Variants in PRICKLE2 observed in about 807,000 individuals in gnomAD.
PRICKLE2 encodes prickle-like protein 2.
Under a neutral mutation model 81.4 loss-of-function variants are expected in PRICKLE2, and 21 were observed. The observed-to-expected ratio is 0.26, with a 90% CI of 0.18 to 0.37. The LOEUF (loss-of-function observed/expected upper bound fraction) is 0.37, where lower values mean the gene tolerates loss of function less well. Among genes scored for constraint, PRICKLE2 ranks in the 10% least tolerant of loss-of-function variants. The pLI is 1.00. For missense variants in PRICKLE2, 940 were observed against 1,109.0 expected (o/e 0.85, Z 2.16); for synonymous variants, 456 against 421.5 (o/e 1.08, Z -1.00).
At chr3:64,230,840 A>G (rs144465230) in intron 2 of PRICKLE2, among the ~76,000 whole-genome samples, 2 of 152,210 alleles carry the variant, frequency 1.3e-5, no homozygotes, top group Non-Finnish European at 2.9e-5. Flanking sequence ...TACCTAGCAT[A>G]TAGTAGGTGT....
intron 2 of PRICKLE2, chr3:64,198,575 C>T (rs2078506976): frequency 1.6e-6 from 1 of 638,268 alleles, no homozygotes; most frequent in Non-Finnish European, 2.8e-6. Context: ...AATGACAATA[C>T]AGAATGAATT....
intron 7 of PRICKLE2, among the ~76,000 whole-genome samples, chr3:64,139,605 A>G (rs184245188): frequency 6.6e-6 from 1 of 152,194 alleles, no homozygotes; most frequent in Non-Finnish European, 1.5e-5. Flanking sequence ...TCAAAATGCA[A>G]ATTGGATCAT....
chr3:64,170,957 T>C (rs998620317), intron 2 of PRICKLE2, among the ~76,000 whole-genome samples: 5 of 152,182 alleles, frequency 3.3e-5, no homozygotes, highest in South Asian at 4.1e-4. Context: ...CATGCCTCTA[T>C]AATGCAAAGC....
At chr3:64,181,066 G>A (rs1423816432) in intron 2 of PRICKLE2, among the ~76,000 whole-genome samples, 7 of 152,274 alleles carry the variant, frequency 4.6e-5, no homozygotes, top group African/African-American at 1.7e-4. Context: ...CAACTCATTC[G>A]TGTGTAGCAT....
At chr3:64,213,029 G>C (rs774021503) in intron 1 of PRICKLE2, among the ~76,000 whole-genome samples, 1 of 150,530 alleles carries the variant, frequency 6.6e-6, no homozygotes, top group Non-Finnish European at 1.5e-5. Context: ...ATGTATCCTT[G>C]ACCAAGTTTT....
At position 64,093,154 on chromosome 3, in the gene PRICKLE2, C is replaced by T. The variant is rs1005638881; in HGVS notation, c.*5897G>A. ...TTTGTGACTGGCTTATCTCACTTAG[C>T]AAAATGTCCTCAAGGTTCATCCATG... On this transcript the variant is annotated 3_prime_UTR_variant, in exon 8 of 8. Coordinates refer to ENST00000638394, the MANE Select transcript of PRICKLE2 (RefSeq NM_198859.4). The T allele has an allele frequency of 1.7e-5, 3 of 180,532 alleles. No individual in the cohort carries two copies. Among genetic ancestry groups the T allele is most frequent in the Non-Finnish European group, 3.4e-5 (3 of 88,850 alleles). 11.2% of individuals were successfully genotyped at this position (180,532 alleles called of 1,614,324 possible).
At chr3:64,254,164 A>T (rs1179364841) in intron 2 of PRICKLE2, among the ~76,000 whole-genome samples, 2 of 152,216 alleles carry the variant, frequency 1.3e-5, no homozygotes, top group Non-Finnish European at 2.9e-5. Context: ...TAAATATTTA[A>T]TGGCTCTTTC....
intron 1 of PRICKLE2, among the ~76,000 whole-genome samples, chr3:64,221,572 A>G (rs1324795421): frequency 6.6e-6 from 1 of 152,164 alleles, no homozygotes; most frequent in Non-Finnish European, 1.5e-5. Context: ...GATTTGGCCA[A>G]TATCTCATCC....
intron 1 of PRICKLE2, among the ~76,000 whole-genome samples, chr3:64,212,926 TC>T (rs2078811873): frequency 6.6e-6 from 1 of 152,138 alleles, no homozygotes; most frequent in Admixed American, 6.5e-5. Context: ...GGTGAACAAT[TC>T]ATTTTGATAA....
chr3:64,177,221 C>T (rs752484855), intron 2 of PRICKLE2, among the ~76,000 whole-genome samples: 9 of 143,460 alleles, frequency 6.3e-5, no homozygotes, highest in Middle Eastern at 3.7e-3. Context: ...CTGCAACCTC[C>T]GTCTCCCGGG....
intron 7 of PRICKLE2, among the ~76,000 whole-genome samples, chr3:64,127,314 C>T (rs1233246976): frequency 6.6e-6 from 1 of 152,204 alleles, no homozygotes; most frequent in Non-Finnish European, 1.5e-5. Flanking sequence ...GCCATGACTA[C>T]CACCACTACT....
intron 4 of PRICKLE2, among the ~76,000 whole-genome samples, chr3:64,158,898 C>T (rs1420650199): frequency 2.0e-5 from 3 of 152,194 alleles, no homozygotes; most frequent in Non-Finnish European, 4.4e-5. Context: ...GGCAGCATCC[C>T]ACCTCCTCTT....
intron 7 of PRICKLE2, among the ~76,000 whole-genome samples, chr3:64,122,499 T>C (rs1470693550): frequency 6.6e-6 from 1 of 152,212 alleles, no homozygotes; most frequent in African/African-American, 2.4e-5. Context: ...TTGATTTTGA[T>C]GCCTTTAAAG....
intron 2 of PRICKLE2, among the ~76,000 whole-genome samples, chr3:64,237,179 C>T (rs2079194892): frequency 3.3e-5 from 5 of 152,148 alleles, no homozygotes; most frequent in South Asian, 2.1e-4. Flanking sequence ...CTCCAGAGGG[C>T]GTATGTTACA....
At chr3:64,149,969 CTTTTTTTT>C (rs34841544) in intron 6 of PRICKLE2, among the ~76,000 whole-genome samples, 6 of 109,736 alleles carry the variant, frequency 5.5e-5, no homozygotes, top group East Asian at 3.2e-4. Context: ...TCAACTCCAT[CTTTTTTTT>C]TTTTTTTTTT....
chr3:64,182,076 T>C (rs1424252053), intron 2 of PRICKLE2, among the ~76,000 whole-genome samples: 1 of 151,794 alleles, frequency 6.6e-6, no homozygotes, highest in Non-Finnish European at 1.5e-5. Context: ...AGTGGCCCTA[T>C]GGTCTGAATT....
intron 7 of PRICKLE2, among the ~76,000 whole-genome samples, chr3:64,116,739 G>A (rs775450231): frequency 1.3e-5 from 2 of 152,144 alleles, no homozygotes; most frequent in South Asian, 2.1e-4. Flanking sequence ...AGGATCAGAT[G>A]GATTCACAGC....
At chr3:64,157,064 T>C in intron 5 of PRICKLE2, 98 bp downstream of exon 5, 1 of 1,133,450 alleles carries the variant, frequency 8.8e-7, no homozygotes, top group Non-Finnish European at 1.3e-6. Context: ...TGAAGTTGCC[T>C]ATGGCTTTCT....
chr3:64,104,136 C>A (rs1028740656), intron 7 of PRICKLE2, among the ~76,000 whole-genome samples: 7 of 152,170 alleles, frequency 4.6e-5, no homozygotes, highest in Non-Finnish European at 8.8e-5. Flanking sequence ...ACTGTCAGGG[C>A]AATAGCAGCT....
Sources: gnomAD v4.1 joint callset for allele counts (sites outside exome capture counted in the v4.1 genomes callset) on GRCh38, gnomAD v4.1.1 for gene constraint, MANE v1.5 for transcripts, NCBI Gene and HGNC (gene_info 2026-07-23, HGNC 2026-07-21) for gene names.